PDE11A: variants seen among roughly 807,000 people sequenced by gnomAD.
PDE11A encodes phosphodiesterase 11A.
PDE11A carries 100 observed loss-of-function variants against 100.5 expected under a neutral mutation model. The ratio of observed to expected loss-of-function variants is 1.00; its 90% confidence interval spans 0.85 to 1.18. PDE11A has a LOEUF of 1.18. PDE11A is among the 50% of genes most tolerant of loss of function. The probability of loss-of-function intolerance (pLI) is 0.00; values close to 1 mark genes in which losing one functional copy is unlikely to be tolerated. For synonymous variants in PDE11A, 381 were observed against 420.8 expected, an observed-to-expected ratio of 0.91 and a Z score of 1.16; for missense variants, 1,141 against 1,152.6, an observed-to-expected ratio of 0.99 and a Z score of 0.15.
In PDE11A at chr2:177,917,494, ATGTGCTCCAT is replaced by A. The variant is rs2084970985; in HGVS notation, c.1072-12317_1072-12308del. On this transcript the variant is annotated intron_variant, in intron 2 of 19. Coordinates refer to ENST00000286063, the MANE Select transcript of PDE11A (RefSeq NM_016953.4). ...TTAAACACACTGACTATCCATCCCA[ATGTGCTCCAT>A]TGTCTTAACTTTTTAAAATGTAAGG... 3.3e-5 allele frequency among the ~76,000 whole-genome samples: 5 copies of A among 152,326 alleles called. No individual in the cohort carries two copies. The South Asian group carries it at 1.0e-3, about 32-fold the overall frequency.
chr2:178,028,390 G>T (rs2043547), intron 1 of PDE11A, among the ~76,000 whole-genome samples: 78,528 of 151,770 alleles, frequency 0.52, 21,305 homozygotes, highest in East Asian at 0.8. Flanking sequence ...GTCAACCTGT[G>T]GGGGGAAGTC....
intron 2 of PDE11A, among the ~76,000 whole-genome samples, chr2:177,966,286 A>G (rs1236257027): frequency 6.6e-6 from 1 of 152,144 alleles, no homozygotes; most frequent in Non-Finnish European, 1.5e-5. Context: ...TAGGTATAAA[A>G]TCATATCATC....
At chr2:177,873,340 C>CAT (rs2084174145) in intron 5 of PDE11A, among the ~76,000 whole-genome samples, 1 of 152,038 alleles carries the variant, frequency 6.6e-6, no homozygotes, top group African/African-American at 2.4e-5. Context: ...ATTTTTCTAT[C>CAT]GTATTTCATG....
At chr2:177,884,390 A>G (rs1283153893) in intron 4 of PDE11A, among the ~76,000 whole-genome samples, 2 of 152,214 alleles carry the variant, frequency 1.3e-5, no homozygotes, top group Admixed American at 6.6e-5. Flanking sequence ...GATGTTCACC[A>G]TTAATGAGCA....
At chr2:178,011,391 G>C (rs935549444) in intron 2 of PDE11A, among the ~76,000 whole-genome samples, 1 of 152,060 alleles carries the variant, frequency 6.6e-6, no homozygotes. Flanking sequence ...TATGTGGACT[G>C]GTCATTGTCC....
At chr2:177,691,717 C>A (rs2081042833) in intron 15 of PDE11A, among the ~76,000 whole-genome samples, 1 of 152,108 alleles carries the variant, frequency 6.6e-6, no homozygotes, top group African/African-American at 2.4e-5. Context: ...GCAGTCTGAG[C>A]TCCTTGAAGG....
intron 9 of PDE11A, among the ~76,000 whole-genome samples, chr2:177,814,797 G>A (rs934878316): frequency 1.3e-5 from 2 of 152,120 alleles, no homozygotes; most frequent in South Asian, 4.1e-4. Context: ...GAAATTCTAG[G>A]GTATATGAGC....
rs74825617 is a variant in PDE11A at position 177,758,462 on chromosome 2, G to A, written c.1788+10861C>T. Among the ~76,000 whole-genome samples the A allele has an allele frequency of 3.2e-3, 489 of 152,260 alleles. 5 individuals carry two copies. In the East Asian group the frequency reaches 0.046, roughly 14 times the overall value. On this transcript the variant is annotated intron_variant, in intron 10 of 19. Coordinates refer to ENST00000286063, the MANE Select transcript of PDE11A (RefSeq NM_016953.4). ...CGTTATGAATTGCTTCTAGGGAAGC[G>A]AAAAGCACCTCAACAGAGCTACCAT...
At chr2:177,666,404 G>A (rs1045304943) in intron 18 of PDE11A, among the ~76,000 whole-genome samples, 2 of 152,154 alleles carry the variant, frequency 1.3e-5, no homozygotes, top group African/African-American at 4.8e-5. Flanking sequence ...CATTTCTCTT[G>A]GGGATATACC....
chr2:178,065,637 G>A (rs926559839), intron 1 of PDE11A, among the ~76,000 whole-genome samples: 5 of 152,094 alleles, frequency 3.3e-5, no homozygotes, highest in East Asian at 1.9e-4. Context: ...ACATGTTTGC[G>A]CGCTTGGGGG....
In PDE11A at chr2:178,106,908, C is replaced by T. The variant is rs914085145; in HGVS notation, c.-14+1346G>A. 2.8e-5 allele frequency among the ~76,000 whole-genome samples: 4 copies of T among 140,670 alleles called. No individual in the cohort carries two copies. In the South Asian group the frequency reaches 6.7e-4, roughly 24 times the overall value. The allele number at this position is 140,670 out of a possible 152,430, so 92.3% of individuals were successfully genotyped here. On this transcript the variant is annotated intron_variant, in intron 1 of 20. Transcript: ENST00000358450. ...CCGGGAAGCGAAGGTTGCAGTGAGC[C>T]GAGATCGTGTCACTGCACTCCAGCC... is the stretch of plus-strand genomic sequence containing the variant.
intron 5 of PDE11A, among the ~76,000 whole-genome samples, chr2:177,845,089 G>C (rs2083559742): frequency 6.6e-6 from 1 of 151,354 alleles, no homozygotes. Flanking sequence ...CGGGCAGAGG[G>C]GCTCCTCACT....
chr2:177,760,131 TG>T (rs1424124650), intron 10 of PDE11A, among the ~76,000 whole-genome samples: 1 of 152,238 alleles, frequency 6.6e-6, no homozygotes, highest in Non-Finnish European at 1.5e-5. Flanking sequence ...TTTTTCTTGC[TG>T]GTTCTTTGAT....
chr2:177,996,422 A>T (rs1300879788), intron 2 of PDE11A, among the ~76,000 whole-genome samples: 1 of 151,310 alleles, frequency 6.6e-6, no homozygotes, highest in Non-Finnish European at 1.5e-5. Flanking sequence ...GGAATTTAAA[A>T]AAGTGATTTA....
chr2:177,900,283 A>G (rs2084676744), intron 3 of PDE11A, among the ~76,000 whole-genome samples: 1 of 152,192 alleles, frequency 6.6e-6, no homozygotes, highest in South Asian at 2.1e-4. Context: ...AAAGAGGTGC[A>G]ATCTCAAGTC....
intron 18 of PDE11A, among the ~76,000 whole-genome samples, chr2:177,664,447 T>C (rs1026874624): frequency 6.6e-6 from 1 of 152,190 alleles, no homozygotes; most frequent in Non-Finnish European, 1.5e-5. Flanking sequence ...GCATATGTTT[T>C]TCAGTAAGGT....
At chr2:177,835,498 G>C (rs912950763) in intron 6 of PDE11A, among the ~76,000 whole-genome samples, 2 of 152,232 alleles carry the variant, frequency 1.3e-5, no homozygotes, top group African/African-American at 4.8e-5. Flanking sequence ...CTGAGCTGAG[G>C]GTGAGAGGTG....
intron 3 of PDE11A, among the ~76,000 whole-genome samples, chr2:177,903,812 C>T (rs111743487): frequency 0.011 from 1,744 of 152,224 alleles, 18 homozygotes; most frequent in Non-Finnish European, 0.018. Flanking sequence ...GGGAGGAATA[C>T]GGCTAAAGGT....
chr2:177,757,631 C>T (rs577691353), intron 10 of PDE11A, among the ~76,000 whole-genome samples: 6 of 152,316 alleles, frequency 3.9e-5, no homozygotes, highest in South Asian at 4.1e-4. Context: ...AACAGAGCCT[C>T]GCTGTAAGTT....
Sources: allele counts gnomAD v4.1 joint callset (sites outside exome capture counted in the v4.1 genomes callset), GRCh38; gene constraint gnomAD v4.1.1; transcripts MANE v1.5; gene names NCBI Gene and HGNC (gene_info 2026-07-23, HGNC 2026-07-21).